C12orf56: variants seen among roughly 807,000 people sequenced by gnomAD.
The protein encoded by C12orf56 is uncharacterized protein C12orf56.
C12orf56 carries 71 observed loss-of-function variants against 69.9 expected under a neutral mutation model. The observed-to-expected ratio is 1.02, with a 90% CI of 0.84 to 1.24. The LOEUF (loss-of-function observed/expected upper bound fraction) is 1.24. Ranked by LOEUF, C12orf56 falls within the 50% of genes most tolerant of loss-of-function variation. The pLI is 0.00. For synonymous variants in C12orf56, 276 were observed against 274.1 expected (o/e 1.01, Z -0.07); for missense variants, 732 against 738.5 (o/e 0.99, Z 0.10).
At chr12:64,384,915 G>A (rs2039767274) in intron 1 of C12orf56, among the ~76,000 whole-genome samples, 1 of 152,022 alleles carries the variant, frequency 6.6e-6, no homozygotes, top group Admixed American at 6.6e-5. Flanking sequence ...TTAACCGGGT[G>A]TGGTGGTGCG....
At chr12:64,268,718 A>AAT (rs1461918537) in intron 12 of C12orf56, among the ~76,000 whole-genome samples, 1 of 152,138 alleles carries the variant, frequency 6.6e-6, no homozygotes, top group Admixed American at 6.5e-5. Flanking sequence ...AATTTACCTT[A>AAT]ATATATATAT....
intron 4 of C12orf56, among the ~76,000 whole-genome samples, chr12:64,316,014 G>A (rs959719302): frequency 6.6e-6 from 1 of 151,672 alleles, no homozygotes; most frequent in Non-Finnish European, 1.5e-5. Context: ...TCTCACTTAC[G>A]TGTGAAATAT....
chr12:64,278,305 T>G (rs565971966), intron 8 of C12orf56, among the ~76,000 whole-genome samples: 2 of 152,180 alleles, frequency 1.3e-5, no homozygotes, highest in Middle Eastern at 3.4e-3. Flanking sequence ...AGCTCTTCTT[T>G]TTTCTTTTTT....
chr12:64,383,836 T>C (rs556084353), intron 1 of C12orf56, among the ~76,000 whole-genome samples: 1 of 152,374 alleles, frequency 6.6e-6, no homozygotes, highest in South Asian at 2.1e-4. Flanking sequence ...GAACTGATAT[T>C]TGCCAGGCCT....
chr12:64,385,053 CAAA>C (rs749200010), intron 1 of C12orf56, among the ~76,000 whole-genome samples: 4 of 66,422 alleles, frequency 6.0e-5, no homozygotes, highest in Admixed American at 1.8e-4. Flanking sequence ...GACTCCTGCT[CAAA>C]AAAAAAAAAA....
rs1479467348 is a variant in C12orf56, at chr12:64,380,126, A to C, written c.252+10188T>G. On this transcript the variant is annotated intron_variant, in intron 1 of 12. Coordinates refer to ENST00000543942, the MANE Select transcript of C12orf56 (RefSeq NM_001170633.2). ...TCGCAAAAAAAAAAAAAAAAAAAAA[A>C]AAAAAAAACAAAACAAACAAAAAAA... Among the ~76,000 whole-genome samples the C allele has an allele frequency of 6.3e-4, 50 of 79,566 alleles. 1 individual carries two copies. The highest frequency in any genetic ancestry group is 1.7e-3 in the African/African-American group (41 of 24,204). 52.2% of individuals were successfully genotyped at this position (79,566 alleles called of 152,430 possible). A position where few individuals can be genotyped will look rare whatever the true frequency, so the allele number is the denominator to read the frequency against.
chr12:64,375,352 G>A (rs1334589190), intron 1 of C12orf56, among the ~76,000 whole-genome samples: 1 of 152,212 alleles, frequency 6.6e-6, no homozygotes, highest in Non-Finnish European at 1.5e-5. Context: ...ACCATGCCAA[G>A]CCCATATTTT....
At chr12:64,296,338 C>A (rs537128998) in intron 6 of C12orf56, among the ~76,000 whole-genome samples, 1 of 152,150 alleles carries the variant, frequency 6.6e-6, no homozygotes, top group Non-Finnish European at 1.5e-5. Context: ...AGATTATTCT[C>A]CAGCTTTAAG....
At chr12:64,358,486 ATCATC>A (rs1565773484) in intron 1 of C12orf56, among the ~76,000 whole-genome samples, 10,406 of 144,980 alleles carry the variant, frequency 0.072, 539 homozygotes, top group East Asian at 0.25. Context: ...AATAATAATC[ATCATC>A]ATCATCATCA....
chr12:64,357,756 C>T (rs889474985), intron 1 of C12orf56, among the ~76,000 whole-genome samples: 12 of 151,882 alleles, frequency 7.9e-5, no homozygotes, highest in African/African-American at 2.2e-4. Context: ...CAAACATTAG[C>T]GAGGCTTAGT....
chr12:64,277,070 T>G (rs2038061299), intron 9 of C12orf56, among the ~76,000 whole-genome samples: 1 of 150,794 alleles, frequency 6.6e-6, no homozygotes, highest in East Asian at 1.9e-4. Context: ...GACCATATAT[T>G]TAAGAACTAT....
chr12:64,367,003 T>TTATATGTAACATACACTTTATAC (rs2039497716), intron 1 of C12orf56, among the ~76,000 whole-genome samples: 1 of 70,086 alleles, frequency 1.4e-5, no homozygotes, highest in African/African-American at 7.1e-5. Flanking sequence ...ACACTTTATA[T>TTATATGTAACATACACTTTATAC]ATTATATATA....
chr12:64,325,489 G>GTAA, intron 3 of C12orf56, among the ~76,000 whole-genome samples: 1 of 152,268 alleles, frequency 6.6e-6, no homozygotes, highest in African/African-American at 2.4e-5. Flanking sequence ...GGACTACTGG[G>GTAA]GGAAAATGAG....
intron 2 of C12orf56, chr12:64,338,865 G>T: frequency 2.8e-6 from 2 of 702,698 alleles, no homozygotes; most frequent in Non-Finnish European, 2.5e-6. Context: ...GGAGGAATGG[G>T]CAGAGGAAAC....
At chr12:64,382,496 C>T (rs1181149360) in intron 1 of C12orf56, among the ~76,000 whole-genome samples, 2 of 151,964 alleles carry the variant, frequency 1.3e-5, no homozygotes, top group Admixed American at 1.3e-4. Flanking sequence ...ATAGTTCTTA[C>T]CATGTTCTAA....
intron 12 of C12orf56, among the ~76,000 whole-genome samples, chr12:64,269,254 C>G (rs1295391802): frequency 6.6e-6 from 1 of 152,036 alleles, no homozygotes; most frequent in Non-Finnish European, 1.5e-5. Context: ...AATGACAAAG[C>G]TGTGTCCGCT....
At position 64,323,565 on chromosome 12, in the gene C12orf56, C is replaced by CT. The variant is rs375927934; in HGVS notation, c.489-4586dup. Among the ~76,000 whole-genome samples, 155 of 130,798 alleles carry CT rather than the reference C, an allele frequency of 1.2e-3. 4 individuals are homozygous for CT. Among genetic ancestry groups the CT allele is most frequent in the Middle Eastern group, 7.7e-3 (2 of 260 alleles). The allele number at this position is 130,798 out of a possible 152,430, so 85.8% of individuals were successfully genotyped here. A position where few individuals can be genotyped will look rare whatever the true frequency, so the allele number is the denominator to read the frequency against. ...CTAAAACAACTACTGCAAACATTTC[C>CT]TTTTTTTTTTTTTGCCAAGACAGGG... On this transcript the variant is annotated intron_variant, in intron 3 of 12. Transcript: ENST00000543942.
chr12:64,277,013 A>AAAAAAAAAAAAAAAAC (rs2038060311), intron 9 of C12orf56, among the ~76,000 whole-genome samples: 1 of 149,940 alleles, frequency 6.7e-6, no homozygotes. Context: ...AAAAAAAAAA[A>AAAAAAAAAAAAAAAAC]AAATTACTGA....
intron 1 of C12orf56, among the ~76,000 whole-genome samples, chr12:64,383,193 T>A (rs146880121): frequency 1.3e-5 from 2 of 151,900 alleles, no homozygotes; most frequent in Non-Finnish European, 2.9e-5. Flanking sequence ...GGAGTGTGCC[T>A]GTAATCCCAG....
Sources: allele counts gnomAD v4.1 joint callset (sites outside exome capture counted in the v4.1 genomes callset), GRCh38; gene constraint gnomAD v4.1.1; transcripts MANE v1.5; gene names NCBI Gene and HGNC (gene_info 2026-07-23, HGNC 2026-07-21).